Variants in PTER observed in about 807,000 individuals in gnomAD.
PTER encodes N-acetyltaurine hydrolase.
Under a neutral mutation model 29.6 loss-of-function variants are expected in PTER, and 38 were observed. That is an observed-to-expected ratio of 1.28 (90% CI 0.99 to 1.68). The LOEUF is 1.68. Among genes scored for constraint, PTER ranks in the 40% most tolerant of loss-of-function variants. The probability of loss-of-function intolerance (pLI) is 0.00; values close to 1 mark genes in which losing one functional copy is unlikely to be tolerated. For missense variants in PTER, 482 were observed against 427.8 expected, an observed-to-expected ratio of 1.13 and a Z score of -1.12; for synonymous variants, 172 against 154.5, an observed-to-expected ratio of 1.11 and a Z score of -0.84.
At chr10:16,447,518 A>G (rs1466153936) in intron 1 of PTER, among the ~76,000 whole-genome samples, 3 of 152,128 alleles carry the variant, frequency 2.0e-5, no homozygotes, top group East Asian at 1.9e-4. Context: ...CTTGGTCAAA[A>G]TAGGTTTACA....
Position 16,477,308 on chromosome 10 carries a change from C to A in PTER, c.-48-7029C>A, listed in dbSNP as rs184649165. ...GATAGATAGATAGATAGATGGATGT[C>A]TGTCTGTCTGCACATGCATGTAAAA... On this transcript the variant is annotated intron_variant, in intron 1 of 4. Transcript: ENST00000535784. Among the ~76,000 whole-genome samples the A allele has an allele frequency of 3.2e-3, 378 of 116,470 alleles. 1 individual carries two copies. The highest frequency in any genetic ancestry group is 9.0e-3 in the African/African-American group (245 of 27,344). The allele number at this position is 116,470 out of a possible 152,430, so 76.4% of individuals were successfully genotyped here. A position where few individuals can be genotyped will look rare whatever the true frequency, so the allele number is the denominator to read the frequency against.
chr10:16,488,740 A>G (rs1243166235), intron 3 of PTER, among the ~76,000 whole-genome samples: 1 of 152,110 alleles, frequency 6.6e-6, no homozygotes, highest in Non-Finnish European at 1.5e-5. Context: ...AGAAGCTGGG[A>G]CTACAGGCAT....
At chr10:16,477,402 C>T (rs530260436) in intron 1 of PTER, among the ~76,000 whole-genome samples, 28 of 151,912 alleles carry the variant, frequency 1.8e-4, no homozygotes, top group Non-Finnish European at 3.4e-4. Flanking sequence ...GTATTGAACT[C>T]CTGACCTCAA....
At position 16,508,347 on chromosome 10, in the gene PTER, T is replaced by C. The variant is rs958645069; in HGVS notation, c.840-2699T>C. Among the ~76,000 whole-genome samples the C allele has an allele frequency of 1.4e-4, 22 of 152,204 alleles. 1 individual carries two copies. The highest frequency in any genetic ancestry group is 4.1e-4 in the South Asian group (2 of 4,820). On this transcript the variant is annotated intron_variant, in intron 4 of 4. Coordinates refer to ENST00000535784, the MANE Select transcript of PTER (RefSeq NM_001261836.2). ...CCTCCTAAAGTGCTGGGATTACATG[T>C]GTGAGCCACCGCGCCCGGCCTCAAC... is the stretch of plus-strand genomic sequence containing the variant.
intron 1 of PTER, among the ~76,000 whole-genome samples, chr10:16,477,826 C>T (rs1835335580): frequency 6.6e-6 from 1 of 152,088 alleles, no homozygotes; most frequent in Admixed American, 6.6e-5. Flanking sequence ...TGTAGTTTGC[C>T]AGGACTTAAA....
intron 1 of PTER, among the ~76,000 whole-genome samples, chr10:16,449,209 C>T (rs1260314066): frequency 1.3e-5 from 2 of 152,082 alleles, no homozygotes; most frequent in Non-Finnish European, 2.9e-5. Flanking sequence ...TTGGCCTTTC[C>T]CAGCATAGTA....
At position 16,511,479 on chromosome 10, in the gene PTER, A is replaced by G; in HGVS notation, c.*223A>G. On this transcript the variant is annotated 3_prime_UTR_variant, in exon 5 of 5. Coordinates refer to ENST00000535784, the MANE Select transcript of PTER (RefSeq NM_001261836.2). ...AGCCCTATTATTTTAACTTAACAAAATAAATACAGAAGTACCTATTTCTAA... is the reference window on the plus strand; with the variant it reads ...AGCCCTATTATTTTAACTTAACAAAGTAAATACAGAAGTACCTATTTCTAA... The G allele has an allele frequency of 1.8e-6, 1 of 541,782 alleles. No homozygotes were observed. Among genetic ancestry groups the G allele is most frequent in the East Asian group, 2.9e-5 (1 of 34,078 alleles). 33.6% of individuals were successfully genotyped at this position (541,782 alleles called of 1,614,324 possible).
chr10:16,484,578 A>C lies in PTER; in HGVS notation c.194A>C (p.Tyr65Ser), dbSNP rs757492343. 41 of 1,613,988 alleles carry C rather than the reference A, an allele frequency of 2.5e-5. No homozygotes were observed. Among genetic ancestry groups the C allele is most frequent in the Non-Finnish European group, 3.4e-5 (40 of 1,180,024 alleles). The change falls in exon 2 of 5, where the codon TAT (tyrosine) becomes TCT (serine). Residue 65 changes from tyrosine to serine, a missense_variant. Transcript: ENST00000535784. ...TTATATTGGATTCAGAAAAACGCCT[A>C]TTCCCATAAAGAAAACCTTCAATTA... ...KNLYWIQKNA[Y>S]SHKENLQLNQ...
chr10:16,457,075 A>G (rs954486863), intron 1 of PTER, among the ~76,000 whole-genome samples: 4 of 152,140 alleles, frequency 2.6e-5, no homozygotes, highest in African/African-American at 7.2e-5. Flanking sequence ...TATCAGCAGC[A>G]TGAAAACACC....
At chr10:16,453,506 C>T (rs967265352) in intron 1 of PTER, among the ~76,000 whole-genome samples, 2 of 152,072 alleles carry the variant, frequency 1.3e-5, no homozygotes, top group South Asian at 4.2e-4. Flanking sequence ...TTATTGTATA[C>T]TTGCGCCTCT....
intron 1 of PTER, among the ~76,000 whole-genome samples, chr10:16,464,501 C>G (rs1397073151): frequency 6.6e-6 from 1 of 152,178 alleles, no homozygotes; most frequent in Non-Finnish European, 1.5e-5. Flanking sequence ...CTCCTGGTCT[C>G]TGGTTTCTCC....
At chr10:16,503,637 C>G (rs914595783) in intron 3 of PTER, among the ~76,000 whole-genome samples, 11 of 151,824 alleles carry the variant, frequency 7.2e-5, no homozygotes, top group African/African-American at 2.7e-4. Flanking sequence ...AACTCCTGAC[C>G]TCAGGTGATC....
chr10:16,504,184 G>T (rs1056814501), intron 3 of PTER, among the ~76,000 whole-genome samples: 4 of 151,592 alleles, frequency 2.6e-5, no homozygotes, highest in Admixed American at 1.3e-4. Context: ...TGGTATTTTG[G>T]GGTTACCTTA....
At chr10:16,477,264 A>T (rs142401791) in intron 1 of PTER, among the ~76,000 whole-genome samples, 1 of 73,986 alleles carries the variant, frequency 1.4e-5, no homozygotes, top group African/African-American at 4.2e-5. Flanking sequence ...CTTTCGATAG[A>T]TAGATAGATA....
At chr10:16,470,378 G>A (rs1292462599) in intron 1 of PTER, among the ~76,000 whole-genome samples, 3 of 152,168 alleles carry the variant, frequency 2.0e-5, no homozygotes, top group Admixed American at 6.5e-5. Context: ...TACCTGCCTC[G>A]AATAACATCT....
intron 3 of PTER, among the ~76,000 whole-genome samples, chr10:16,493,784 T>C (rs756685526): frequency 8.6e-5 from 13 of 151,968 alleles, no homozygotes; most frequent in Non-Finnish European, 1.8e-4. Context: ...CAGGCAAATA[T>C]CTGACAAAGT....
intron 1 of PTER, among the ~76,000 whole-genome samples, chr10:16,463,107 C>T (rs1426050239): frequency 1.3e-5 from 2 of 150,130 alleles, no homozygotes; most frequent in Non-Finnish European, 3.0e-5. Flanking sequence ...GCAGCAGAAT[C>T]GCTTGAACCC....
At chr10:16,495,168 CT>C (rs3047217) in intron 3 of PTER, among the ~76,000 whole-genome samples, 2,862 of 132,110 alleles carry the variant, frequency 0.022, 66 homozygotes, top group African/African-American at 0.069. Context: ...TTTGGAATTA[CT>C]TTTTTTTTTT....
chr10:16,469,508 G>A (rs1182932954), intron 1 of PTER, among the ~76,000 whole-genome samples: 2 of 142,550 alleles, frequency 1.4e-5, no homozygotes, highest in Non-Finnish European at 3.0e-5. Context: ...TGAGAATGAA[G>A]GGGAAAAGGA....
Sources: gnomAD v4.1 joint callset for allele counts (sites outside exome capture counted in the v4.1 genomes callset) on GRCh38, gnomAD v4.1.1 for gene constraint, MANE v1.5 for transcripts, NCBI Gene and HGNC (gene_info 2026-07-23, HGNC 2026-07-21) for gene names.